NRXN1: variants seen among roughly 807,000 people sequenced by gnomAD.
NRXN1 encodes neurexin 1.
A neutral mutation model predicts 150.9 loss-of-function variants in NRXN1; 39 were observed. That is an observed-to-expected ratio of 0.26 (90% CI 0.20 to 0.34). The LOEUF is 0.34. Ranked by LOEUF, NRXN1 falls within the 10% of genes least tolerant of loss-of-function variation. NRXN1 has a pLI of 1.00. For missense variants in NRXN1, 1,815 were observed against 1,949.9 expected (o/e 0.93, Z 1.30); for synonymous variants, 924 against 757.0 (o/e 1.22, Z -3.62).
chr2:50,469,913 A>T (rs1364391612), intron 16 of NRXN1, among the ~76,000 whole-genome samples: 1 of 151,432 alleles, frequency 6.6e-6, no homozygotes, highest in Admixed American at 6.6e-5. Flanking sequence ...TTACTAGATT[A>T]TGTGGGTAAA....
chr2:50,554,333 A>T (rs1667928562), intron 8 of NRXN1: 1 of 152,168 alleles, frequency 6.6e-6, no homozygotes, highest in Admixed American at 6.5e-5. Flanking sequence ...CAACTGAACC[A>T]AGAGATGGCT....
intron 5 of NRXN1, among the ~76,000 whole-genome samples, chr2:50,896,182 T>C (rs1681921568): frequency 6.6e-6 from 1 of 152,164 alleles, no homozygotes; most frequent in South Asian, 2.1e-4. Flanking sequence ...TATTCTTTCA[T>C]CTGGTCTCTA....
chr2:50,567,537 C>A (rs779092275), intron 8 of NRXN1, among the ~76,000 whole-genome samples: 1 of 151,462 alleles, frequency 6.6e-6, no homozygotes. Context: ...AAGAAAAAGT[C>A]CACAATGAAC....
chr2:50,784,351 G>C (rs1366329607), intron 5 of NRXN1, among the ~76,000 whole-genome samples: 2 of 152,058 alleles, frequency 1.3e-5, no homozygotes, highest in Non-Finnish European at 1.5e-5. Context: ...TGGGAGCAGA[G>C]AGAAGGGTGA....
intron 17 of NRXN1, among the ~76,000 whole-genome samples, chr2:50,272,074 G>A (rs1345131128): frequency 6.6e-6 from 1 of 152,160 alleles, no homozygotes. Flanking sequence ...ATGGGTGTGA[G>A]GACAAATTGC....
At chr2:50,550,861 T>A (rs1242444304) in intron 9 of NRXN1, among the ~76,000 whole-genome samples, 5 of 151,694 alleles carry the variant, frequency 3.3e-5, no homozygotes, top group African/African-American at 9.7e-5. Context: ...TTTTGTATTT[T>A]TAGTAGAGAC....
Position 50,902,584 on chromosome 2 carries a change from T to C in NRXN1, c.832+19285A>G, listed in dbSNP as rs975874310. On this transcript the variant is annotated intron_variant, in intron 5 of 22. Transcript: ENST00000401669. ...ACTGGATGTATTGAGAAACAGTACA[T>C]CTCCTGATCTTCTAAGATACCATGT... Among the ~76,000 whole-genome samples, 4 of 152,158 alleles carry C rather than the reference T, an allele frequency of 2.6e-5. No homozygotes were observed. In the East Asian group the frequency reaches 7.7e-4, roughly 29 times the overall value.
At chr2:50,994,595 T>C (rs147986897) in intron 2 of NRXN1, among the ~76,000 whole-genome samples, 258 of 152,098 alleles carry the variant, frequency 1.7e-3, no homozygotes, top group East Asian at 0.013. Context: ...TCCTCTTCCA[T>C]AAGGAGAATT....
chr2:50,957,761 ATTG>A (rs981908255), intron 2 of NRXN1, among the ~76,000 whole-genome samples: 1 of 152,088 alleles, frequency 6.6e-6, no homozygotes, highest in African/African-American at 2.4e-5. Flanking sequence ...CTTGTAAAAT[ATTG>A]TTTTTTCTGA....
At chr2:50,582,408 G>T (rs1672404323) in intron 8 of NRXN1, among the ~76,000 whole-genome samples, 1 of 145,374 alleles carries the variant, frequency 6.9e-6, no homozygotes, top group African/African-American at 2.6e-5. Context: ...TTGAGCCAGG[G>T]AGGCAGAGGT....
chr2:50,249,381 G>C (rs986955569), intron 17 of NRXN1, among the ~76,000 whole-genome samples: 4 of 151,890 alleles, frequency 2.6e-5, no homozygotes, highest in African/African-American at 9.7e-5. Context: ...GGGGCATTTT[G>C]ACACAAACAA....
intron 17 of NRXN1, among the ~76,000 whole-genome samples, chr2:50,427,665 G>C (rs2084608462): frequency 6.6e-6 from 1 of 152,194 alleles, no homozygotes; most frequent in Non-Finnish European, 1.5e-5. Context: ...AATTTAGAAT[G>C]ATAAAAATAT....
At position 49,920,533 on chromosome 2, in the gene NRXN1, C is replaced by T. The variant is rs200939447; in HGVS notation, c.*1411G>A. On this transcript the variant is annotated 3_prime_UTR_variant, in exon 23 of 23. Transcript: ENST00000401669. Reference sequence around the variant, plus strand: ...TCATTTCTTTAGGGACTAAAATCTTCTTAAGGTTACCTGGGAGCAAGATCT... The same window carrying T: ...TCATTTCTTTAGGGACTAAAATCTTTTTAAGGTTACCTGGGAGCAAGATCT... 2.0e-5 allele frequency: 3 copies of T among 152,658 alleles called. No individual in the cohort carries two copies. Among genetic ancestry groups the T allele is most frequent in the Admixed American group, 6.5e-5 (1 of 15,268 alleles). The allele number at this position is 152,658 out of a possible 1,614,324, so 9.5% of individuals were successfully genotyped here.
chr2:50,200,457 TG>T (rs1374421696), intron 18 of NRXN1, among the ~76,000 whole-genome samples: 1 of 152,076 alleles, frequency 6.6e-6, no homozygotes, highest in African/African-American at 2.4e-5. Flanking sequence ...AAAACATAAT[TG>T]TGAGTTGGAA....
At chr2:50,327,992 A>T (rs562975280) in intron 17 of NRXN1, among the ~76,000 whole-genome samples, 5 of 151,884 alleles carry the variant, frequency 3.3e-5, no homozygotes, top group African/African-American at 1.2e-4. Flanking sequence ...TCTTTTTCTT[A>T]TATTTTTTAT....
At chr2:50,059,539 A>G (rs1694171904) in intron 19 of NRXN1, among the ~76,000 whole-genome samples, 1 of 152,216 alleles carries the variant, frequency 6.6e-6, no homozygotes, top group Admixed American at 6.5e-5. Flanking sequence ...AGAAATTTGC[A>G]TAGGTAATGA....
chr2:50,816,243 T>C (rs1559303161), intron 5 of NRXN1, among the ~76,000 whole-genome samples: 1 of 152,084 alleles, frequency 6.6e-6, no homozygotes. Flanking sequence ...TGATGAACGC[T>C]TTGGGAGGGT....
At chr2:50,087,198 C>T (rs1698910504) in intron 19 of NRXN1, among the ~76,000 whole-genome samples, 1 of 152,152 alleles carries the variant, frequency 6.6e-6, no homozygotes, top group Non-Finnish European at 1.5e-5. Context: ...CTAGCACTTT[C>T]TCACATTTTA....
At chr2:50,798,625 C>G (rs1052575383) in intron 5 of NRXN1, among the ~76,000 whole-genome samples, 16 of 152,146 alleles carry the variant, frequency 1.1e-4, no homozygotes, top group African/African-American at 3.9e-4. Context: ...ATATAAAGAC[C>G]ATGGAGGCTA....
Sources: gnomAD v4.1 joint callset for allele counts (sites outside exome capture counted in the v4.1 genomes callset) on GRCh38, gnomAD v4.1.1 for gene constraint, MANE v1.5 for transcripts, NCBI Gene and HGNC (gene_info 2026-07-23, HGNC 2026-07-21) for gene names.